Variants in HOXA9 observed in about 807,000 individuals in gnomAD.
The protein encoded by HOXA9 is homeobox A9, also known as homeobox protein Hox-A9.
In HOXA9, 18 loss-of-function variants were observed where a neutral mutation model predicts 19.0. The observed-to-expected ratio is 0.95, with a 90% CI of 0.65 to 1.40. The LOEUF (loss-of-function observed/expected upper bound fraction) is 1.40, where lower values mean the gene tolerates loss of function less well. HOXA9 is among the 40% of genes most tolerant of loss of function. The probability of loss-of-function intolerance (pLI) is 0.00; values close to 1 mark genes in which losing one functional copy is unlikely to be tolerated. For synonymous variants in HOXA9, 198 were observed against 161.1 expected (o/e 1.23, Z -1.73); for missense variants, 443 against 372.2 (o/e 1.19, Z -1.57).
chr7:27,164,622 C>G (rs890838678), intron 1 of HOXA9, among the ~76,000 whole-genome samples: 1 of 152,250 alleles, frequency 6.6e-6, no homozygotes, highest in African/African-American at 2.4e-5. Context: ...AGTCTTGGCT[C>G]GTCCCGAAGT....
At position 27,163,649 on chromosome 7, in the gene HOXA9, C is replaced by G; in HGVS notation, c.773G>C (p.Arg258Thr). 1 of 1,613,552 alleles carries G rather than the reference C, an allele frequency of 6.2e-7. No homozygotes were observed. The highest frequency in any genetic ancestry group is 8.5e-7 in the Non-Finnish European group (1 of 1,179,898). Reference protein sequence around the residue: ...RQVKIWFQNRRMKMKKINKDR... With the variant: ...RQVKIWFQNRTMKMKKINKDR... Reference sequence around the variant, plus strand: ...TTTGTTGATTTTCTTCATTTTCATCCTGCGGTTCTGGAACCAGATCTTGAC... The same window carrying G: ...TTTGTTGATTTTCTTCATTTTCATCGTGCGGTTCTGGAACCAGATCTTGAC... Residue 258 changes from arginine (R) to threonine (T), a missense_variant, in exon 2 of 2, where the codon AGG becomes ACG. Physicochemically the swap from Arg to Thr is moderately conservative, Grantham distance 71. Coordinates refer to ENST00000343483, the MANE Select transcript of HOXA9 (RefSeq NM_152739.4).
Position 27,163,231 on chromosome 7 carries a change from C to T in HOXA9, c.*372G>A, listed in dbSNP as rs1783238408. ...ACAGACTAAAAACTATACAGCCTAC[C>T]ATCAACAGTTGTGCATTATAAAAAG... On this transcript the variant is annotated 3_prime_UTR_variant, in exon 2 of 2. Coordinates refer to ENST00000343483, the MANE Select transcript of HOXA9 (RefSeq NM_152739.4). The T allele has an allele frequency of 3.9e-6, 1 of 253,902 alleles. No individual in the cohort carries two copies. Among genetic ancestry groups the T allele is most frequent in the Admixed American group, 5.0e-5 (1 of 20,122 alleles). 15.7% of individuals were successfully genotyped at this position (253,902 alleles called of 1,614,324 possible). A position where few individuals can be genotyped will look rare whatever the true frequency, so the allele number is the denominator to read the frequency against.
Position 27,165,045 on chromosome 7 carries a change from G to A in HOXA9, c.413C>T (p.Ser138Leu), listed in dbSNP as rs569313107. The change falls in exon 1 of 2, where the codon TCG becomes TTG. Residue 138 changes from serine (S) to leucine (L), a missense_variant. By Grantham distance (145) the Ser-to-Leu change is moderately radical. Coordinates refer to ENST00000343483, the MANE Select transcript of HOXA9 (RefSeq NM_152739.4). ...CGTGGGACAGTCACCCCTTCTGGCC[G>A]ACAGCGGTTCAGGTTTAATGCCATA... ...RPYGIKPEPL[S>L]ARRGDCPTLD... 15 of 1,614,194 alleles carry A rather than the reference G, an allele frequency of 9.3e-6. No individual in the cohort carries two copies. In the East Asian group the frequency reaches 2.9e-4, roughly 31 times the overall value.
Position 27,164,879 on chromosome 7 carries a change from G to A in HOXA9, c.579C>T (p.Pro193=). The A allele has an allele frequency of 9.3e-6, 15 of 1,613,494 alleles. No individual in the cohort carries two copies. The highest frequency in any genetic ancestry group is 1.3e-5 in the Non-Finnish European group (15 of 1,179,630). The change falls in exon 1 of 2, where the codon CCC becomes CCT. Residue 193 remains proline, a splice_region_variant and synonymous_variant. Coordinates refer to ENST00000343483, the MANE Select transcript of HOXA9 (RefSeq NM_152739.4). ...ESGGDKPPID[P]NNPAANWLHA... ...GATTTGAAGGGAGGAGACACTTACT[G>A]GGATCGATGGGGGGCTTGTCTCCGC...
In HOXA9 at chr7:27,163,811, C is replaced by T. The variant is rs765028183; in HGVS notation, c.611G>A (p.Arg204His). The change falls in exon 2 of 2, where the codon CGC becomes CAC. Residue 204 changes from arginine (R) to histidine (H), a missense_variant. Arg to His is a conservative substitution (Grantham distance 29). Coordinates refer to ENST00000343483, the MANE Select transcript of HOXA9 (RefSeq NM_152739.4). ...GGGGCACCGCTTTTTCCGAGTGGAG[C>T]GCGCATGAAGCCAGTTGGCTGCTGG... ...NNPAANWLHARSTRKKRCPYT... is the reference protein window; with the variant it reads ...NNPAANWLHAHSTRKKRCPYT... 1 of 1,613,964 alleles carries T rather than the reference C, an allele frequency of 6.2e-7. No homozygotes were observed. The highest frequency in any genetic ancestry group is 8.5e-7 in the Non-Finnish European group (1 of 1,180,000).
Position 27,163,685 on chromosome 7 carries a change from G to A in HOXA9, c.737C>T (p.Thr246Ile). The A allele has an allele frequency of 6.2e-7, 1 of 1,614,060 alleles. No individual in the cohort carries two copies. The highest frequency in any genetic ancestry group is 8.5e-7 in the Non-Finnish European group (1 of 1,180,020). ...RYEVARLLNL[T>I]ERQVKIWFQN... ...GAACCAGATCTTGACCTGCCTCTCGGTGAGGTTGAGCAGTCGAGCCACCTC... is the reference window on the plus strand; with the variant it reads ...GAACCAGATCTTGACCTGCCTCTCGATGAGGTTGAGCAGTCGAGCCACCTC... Residue 246 changes from threonine to isoleucine, a missense_variant, in exon 2 of 2, where the codon ACC becomes ATC. Physicochemically the swap from Thr to Ile is moderately conservative, Grantham distance 89. Transcript: ENST00000343483.
chr7:27,164,843 A>AGGC (rs754357151), intron 1 of HOXA9, 35 bp downstream of exon 1: 1 of 1,588,596 alleles, frequency 6.3e-7, no homozygotes. Context: ...GCCGGCGTGG[A>AGGC]GGCGGCGGCG....
Position 27,164,420 on chromosome 7 carries a change from C to G in HOXA9, c.580+458G>C, listed in dbSNP as rs374706205. ...CGCAGCCTCATCTTGGCAGGATTTA[C>G]GCCGCCACTGGCCGAAGGCAAGAAG... On this transcript the variant is annotated intron_variant, in intron 1 of 1. Transcript: ENST00000343483. Among the ~76,000 whole-genome samples the G allele has an allele frequency of 1.3e-4, 20 of 152,354 alleles. 1 individual carries two copies. The highest frequency in any genetic ancestry group is 4.6e-4 in the African/African-American group (19 of 41,594).
At position 27,165,527 on chromosome 7, in the gene HOXA9, A is replaced by C. The variant is rs2128069105; in HGVS notation, c.-70T>G. 8 of 1,460,682 alleles carry C rather than the reference A, an allele frequency of 5.5e-6. No individual in the cohort carries two copies. In the East Asian group the frequency reaches 1.6e-4, roughly 28 times the overall value. 90.5% of individuals were successfully genotyped at this position (1,460,682 alleles called of 1,614,324 possible). The stretch of plus-strand genomic sequence containing the variant: ...TATGAAACTGCAGATTTCATGTAAC[A>C]ACTTGGTGGCACCGGGGGGGAAGTA... On this transcript the variant is annotated 5_prime_UTR_variant, in exon 1 of 2. Coordinates refer to ENST00000343483, the MANE Select transcript of HOXA9 (RefSeq NM_152739.4).
chr7:27,162,549 G>A lies in HOXA9; in HGVS notation c.*1054C>T, dbSNP rs190122610. ...TTGCAAAATATACAGTGTAAGTTCA[G>A]TCTGATGGAAACCCCAGATTCATCA... On this transcript the variant is annotated 3_prime_UTR_variant, in exon 2 of 2. Transcript: ENST00000343483. 1.3e-3 allele frequency: 287 copies of A among 213,366 alleles called. No homozygotes were observed. The highest frequency in any genetic ancestry group is 6.2e-3 in the African/African-American group (273 of 44,228). 13.2% of individuals were successfully genotyped at this position (213,366 alleles called of 1,614,324 possible).
Position 27,165,322 on chromosome 7 carries a change from C to T in HOXA9, c.136G>A (p.Ala46Thr). The change falls in exon 1 of 2, where the codon GCC becomes ACC. Residue 46 changes from alanine (A) to threonine (T), a missense_variant. Physicochemically the swap from Ala to Thr is moderately conservative, Grantham distance 58. Transcript: ENST00000343483. Reference sequence around the variant, plus strand: ...CACGGGCTGAAGTCGGGGTGCTCGGCCAGCGTCGCCGCCTGCCGGGGAGGC... The same window carrying T: ...CACGGGCTGAAGTCGGGGTGCTCGGTCAGCGTCGCCGCCTGCCGGGGAGGC... ...GQPPRQAATL[A>T]EHPDFSPCSF... 1 of 1,575,508 alleles carries T rather than the reference C, an allele frequency of 6.3e-7. No individual in the cohort carries two copies. The highest frequency in any genetic ancestry group is 8.6e-7 in the Non-Finnish European group (1 of 1,162,426).
rs1283066277 is a variant in HOXA9 at position 27,165,353 on chromosome 7, C to T, written c.105G>A (p.Leu35=). The T allele has an allele frequency of 3.2e-5, 51 of 1,593,300 alleles. No homozygotes were observed. Among genetic ancestry groups the T allele is most frequent in the Non-Finnish European group, 4.0e-5 (47 of 1,171,686 alleles). The part of the protein sequence containing the change: ...LSVGRYAPGT[L]GQPPRQAATL... ...TCGCCGCCTGCCGGGGAGGCTGGCC[C>T]AGGGTCCCCGGCGCATAGCGGCCAA... Residue 35 remains leucine (L), a synonymous_variant, in exon 1 of 2, where the codon CTG becomes CTA. Coordinates refer to ENST00000343483, the MANE Select transcript of HOXA9 (RefSeq NM_152739.4).
In HOXA9 at chr7:27,163,852, G is replaced by T. The variant is rs1171600138; in HGVS notation, c.581-11C>A. Reference sequence around the variant, plus strand: ...TGGCTGCTGGGTTATCTGCGGGGAAGAGAAACACTGGGTTTAGGAGCAGAA... The same window carrying T: ...TGGCTGCTGGGTTATCTGCGGGGAATAGAAACACTGGGTTTAGGAGCAGAA... On this transcript the variant is annotated splice_polypyrimidine_tract_variant and intron_variant, in intron 1 of 1. Coordinates refer to ENST00000343483, the MANE Select transcript of HOXA9 (RefSeq NM_152739.4). 2 of 1,608,294 alleles carry T rather than the reference G, an allele frequency of 1.2e-6. No homozygotes were observed. The highest frequency in any genetic ancestry group is 1.7e-6 in the Non-Finnish European group (2 of 1,175,412).
Position 27,165,147 on chromosome 7 carries a change from T to TCCGGCG in HOXA9, c.305_310dup (p.Ala102_Pro103dup). ...CAGCCAGGAGCGCATGTACCTGCCG[T>TCCGGCG]CCGGCGCCGCCGCCGCCACGGGCGC... is the stretch of plus-strand genomic sequence containing the variant. On this transcript the variant is annotated inframe_insertion, in exon 1 of 2. Transcript: ENST00000343483. 6.3e-7 allele frequency: 1 copy of TCCGGCG among 1,598,738 alleles called. No individual in the cohort carries two copies. The highest frequency in any genetic ancestry group is 8.5e-7 in the Non-Finnish European group (1 of 1,172,454).
Position 27,163,612 on chromosome 7 carries a change from T to G in HOXA9, c.810A>C (p.Lys270Asn). Reference sequence around the variant, plus strand: ...ATAAGCCCAAATGGCATCACTCGTCTTTTGCTCGGTCTTTGTTGATTTTCT... The same window carrying G: ...ATAAGCCCAAATGGCATCACTCGTCGTTTGCTCGGTCTTTGTTGATTTTCT... Reference protein sequence around the residue: ...KMKKINKDRAKDE With the variant: ...KMKKINKDRANDE The change falls in exon 2 of 2, where the codon AAA becomes AAC. Residue 270 changes from lysine (K) to asparagine (N), a missense_variant. Transcript: ENST00000343483. The G allele has an allele frequency of 1.2e-6, 2 of 1,611,878 alleles. No homozygotes were observed. The highest frequency in any genetic ancestry group is 4.5e-5 in the East Asian group (2 of 44,830).
Position 27,162,749 on chromosome 7 carries a change from T to G in HOXA9, c.*854A>C, listed in dbSNP as rs1016378995. 1 of 208,272 alleles carries G rather than the reference T, an allele frequency of 4.8e-6. No homozygotes were observed. The highest frequency in any genetic ancestry group is 9.8e-6 in the Non-Finnish European group (1 of 102,140). 12.9% of individuals were successfully genotyped at this position (208,272 alleles called of 1,614,324 possible). On this transcript the variant is annotated 3_prime_UTR_variant, in exon 2 of 2. Coordinates refer to ENST00000343483, the MANE Select transcript of HOXA9 (RefSeq NM_152739.4). ...CCGAATTTCCTCACTGTTCGTCTGG[T>G]GCAAAAACAATATTCAAGCTTGTCT...
At position 27,163,736 on chromosome 7, in the gene HOXA9, A is replaced by C; in HGVS notation, c.686T>G (p.Met229Arg). The C allele has an allele frequency of 6.2e-7, 1 of 1,613,850 alleles. No homozygotes were observed. Among genetic ancestry groups the C allele is most frequent in the South Asian group, 1.1e-5 (1 of 91,048 alleles). The change falls in exon 2 of 2, where the codon ATG becomes AGG. Residue 229 changes from methionine to arginine, a missense_variant. Met to Arg is a moderately conservative substitution (Grantham distance 91). Transcript: ENST00000343483. ...GTACCTGCGGTCCCTGGTGAGGTAC[A>C]TGTTGAACAGAAACTCTTTCTCCAG... ...LELEKEFLFN[M>R]YLTRDRRYEV...
rs908259875 is a variant in HOXA9, at chr7:27,165,459, A to T, written c.-2T>A. The T allele has an allele frequency of 4.4e-6, 7 of 1,588,818 alleles. No homozygotes were observed. In the Admixed American group the frequency reaches 1.3e-4, roughly 29 times the overall value. On this transcript the variant is annotated 5_prime_UTR_variant, in exon 1 of 2. Transcript: ENST00000343483. ...GCCCAGGGCCCCAGTGGTGGCCATC[A>T]CCGTGCCCAGCGCCTGGCCCGCCCG...
At position 27,165,416 on chromosome 7, in the gene HOXA9, C is replaced by G; in HGVS notation, c.42G>C (p.Ser14=). ...TGALGNYYVD[S]FLLGADAADE... ...CCGCGGCGTCGGCGCCCAGCAGGAACGAGTCCACGTAGTAGTTGCCCAGGG... is the reference window on the plus strand; with the variant it reads ...CCGCGGCGTCGGCGCCCAGCAGGAAGGAGTCCACGTAGTAGTTGCCCAGGG... The change falls in exon 1 of 2, where the codon TCG becomes TCC. Residue 14 remains serine (S), a synonymous_variant. Coordinates refer to ENST00000343483, the MANE Select transcript of HOXA9 (RefSeq NM_152739.4). The G allele has an allele frequency of 1.2e-6, 2 of 1,609,770 alleles. No homozygotes were observed. The highest frequency in any genetic ancestry group is 1.1e-5 in the South Asian group (1 of 90,844).
Sources: gnomAD v4.1 joint callset for allele counts (sites outside exome capture counted in the v4.1 genomes callset) on GRCh38, gnomAD v4.1.1 for gene constraint, MANE v1.5 for transcripts, NCBI Gene and HGNC (gene_info 2026-07-23, HGNC 2026-07-21) for gene names.